Variants in ZFAND3 observed in about 807,000 individuals in gnomAD.
ZFAND3 encodes zinc finger AN1-type containing 3, also known as AN1-type zinc finger protein 3.
In ZFAND3, 10 loss-of-function variants were observed where a neutral mutation model predicts 29.6. The observed-to-expected ratio is 0.34, with a 90% CI of 0.21 to 0.57. ZFAND3 has a LOEUF of 0.57. ZFAND3 is among the 20% of genes least tolerant of loss of function. The pLI, the probability that ZFAND3 is intolerant of heterozygous loss-of-function variation, is 0.86. For missense variants in ZFAND3, 230 were observed against 304.5 expected, an observed-to-expected ratio of 0.76 and a Z score of 1.82; for synonymous variants, 128 against 112.6, an observed-to-expected ratio of 1.14 and a Z score of -0.87.
At chr6:37,837,506 CTT>C (rs34162951) in intron 1 of ZFAND3, among the ~76,000 whole-genome samples, 24 of 139,156 alleles carry the variant, frequency 1.7e-4, no homozygotes, top group Admixed American at 1.4e-4. Context: ...ATAGATAGTC[CTT>C]TTTTTTTTTT....
At chr6:37,895,539 CA>C (rs1187381229) in intron 1 of ZFAND3, among the ~76,000 whole-genome samples, 3 of 112,512 alleles carry the variant, frequency 2.7e-5, no homozygotes, top group Non-Finnish European at 5.2e-5. Flanking sequence ...TGATTTAGTA[CA>C]AAAAACATGA....
chr6:38,077,646 A>G (rs1764580839), intron 3 of ZFAND3, among the ~76,000 whole-genome samples: 2 of 152,212 alleles, frequency 1.3e-5, no homozygotes, highest in Admixed American at 1.3e-4. Flanking sequence ...TTAGCACATG[A>G]TTAACTGCAG....
chr6:37,995,476 G>A (rs140080988), intron 2 of ZFAND3, among the ~76,000 whole-genome samples: 1 of 152,196 alleles, frequency 6.6e-6, no homozygotes, highest in East Asian at 1.9e-4. Context: ...AATAAAACAG[G>A]TATACCCTTT....
intron 5 of ZFAND3, among the ~76,000 whole-genome samples, chr6:38,118,775 A>AC (rs1224448838): frequency 6.6e-6 from 1 of 151,486 alleles, no homozygotes; most frequent in Non-Finnish European, 1.5e-5. Flanking sequence ...AAAAAAAAAA[A>AC]AACAGTAATA....
At chr6:38,149,410 C>CA (rs35426126) in intron 5 of ZFAND3, among the ~76,000 whole-genome samples, 18,516 of 88,080 alleles carry the variant, frequency 0.21, 2,303 homozygotes, top group East Asian at 0.43. Flanking sequence ...GACCCTGTCT[C>CA]AAAAAAAAAA....
chr6:38,073,071 A>G (rs923366461), intron 3 of ZFAND3, among the ~76,000 whole-genome samples: 3 of 152,194 alleles, frequency 2.0e-5, no homozygotes, highest in South Asian at 2.1e-4. Context: ...GTCACTCATC[A>G]TATTCCAGCT....
intron 1 of ZFAND3, among the ~76,000 whole-genome samples, chr6:37,901,634 G>A (rs1377605333): frequency 1.3e-5 from 2 of 152,056 alleles, no homozygotes; most frequent in Non-Finnish European, 1.5e-5. Context: ...AACAAAAAAA[G>A]GATGTGTTTG....
intron 2 of ZFAND3, among the ~76,000 whole-genome samples, chr6:38,024,662 G>C (rs939185328): frequency 1.3e-5 from 2 of 152,092 alleles, no homozygotes; most frequent in African/African-American, 4.8e-5. Context: ...CTACAACATG[G>C]ACAAACCTCA....
chr6:38,143,381 G>C (rs930455594), intron 5 of ZFAND3, among the ~76,000 whole-genome samples: 1 of 152,274 alleles, frequency 6.6e-6, no homozygotes, highest in Non-Finnish European at 1.5e-5. Flanking sequence ...CTCTGAGAGC[G>C]ATGTGACGGC....
At chr6:37,899,279 CCTTG>C (rs1374269117) in intron 1 of ZFAND3, among the ~76,000 whole-genome samples, 4 of 152,166 alleles carry the variant, frequency 2.6e-5, no homozygotes, top group African/African-American at 9.7e-5. Flanking sequence ...ATTTGACTTT[CCTTG>C]CTTAATTCCA....
intron 2 of ZFAND3, among the ~76,000 whole-genome samples, chr6:37,950,387 T>A (rs1761976963): frequency 6.6e-6 from 1 of 151,720 alleles, no homozygotes; most frequent in Middle Eastern, 3.2e-3. Context: ...TTGTTTTTTT[T>A]TTTTTTCTGA....
At chr6:38,057,770 C>CT (rs748035715) in intron 2 of ZFAND3, among the ~76,000 whole-genome samples, 6 of 152,196 alleles carry the variant, frequency 3.9e-5, no homozygotes, top group Non-Finnish European at 7.3e-5. Flanking sequence ...CTTGCATTCT[C>CT]TATCTGTAAA....
chr6:37,841,476 T>A (rs1764073569), intron 1 of ZFAND3, among the ~76,000 whole-genome samples: 1 of 152,044 alleles, frequency 6.6e-6, no homozygotes, highest in African/African-American at 2.4e-5. Flanking sequence ...TGTTTTTAAG[T>A]TTTTGTTTTG....
intron 3 of ZFAND3, among the ~76,000 whole-genome samples, chr6:38,076,048 G>A (rs918699668): frequency 2.6e-5 from 4 of 151,966 alleles, no homozygotes; most frequent in African/African-American, 4.8e-5. Flanking sequence ...CACCGATCCC[G>A]GCCTCGTTTT....
At chr6:37,833,016 C>G in intron 1 of ZFAND3, 1 of 152,112 alleles carries the variant, frequency 6.6e-6, no homozygotes, top group Non-Finnish European at 1.5e-5. Flanking sequence ...CATTTCTAAC[C>G]TGGGCCAGTT....
chr6:38,073,114 A>G (rs1764487444), intron 3 of ZFAND3, among the ~76,000 whole-genome samples: 1 of 152,176 alleles, frequency 6.6e-6, no homozygotes, highest in Admixed American at 6.5e-5. Flanking sequence ...AGGCTCAGCA[A>G]AGAGGCAGAA....
At chr6:37,919,079 G>A (rs943725115) in intron 1 of ZFAND3, among the ~76,000 whole-genome samples, 5 of 149,482 alleles carry the variant, frequency 3.3e-5, no homozygotes, top group Non-Finnish European at 5.9e-5. Context: ...TCAGCCTCCC[G>A]AGTAGCTGGG....
chr6:38,056,325 G>A (rs1323944651), intron 2 of ZFAND3, among the ~76,000 whole-genome samples: 1 of 152,008 alleles, frequency 6.6e-6, no homozygotes, highest in African/African-American at 2.4e-5. Context: ...TATGGAACAG[G>A]GTTAAAAAGA....
intron 1 of ZFAND3, among the ~76,000 whole-genome samples, chr6:37,872,782 G>A (rs1764717360): frequency 6.6e-6 from 1 of 152,186 alleles, no homozygotes; most frequent in African/African-American, 2.4e-5. Context: ...TACTGTTGAT[G>A]GGCATTTGGA....
Sources: gnomAD v4.1 joint callset for allele counts (sites outside exome capture counted in the v4.1 genomes callset) on GRCh38, gnomAD v4.1.1 for gene constraint, MANE v1.5 for transcripts, NCBI Gene and HGNC (gene_info 2026-07-23, HGNC 2026-07-21) for gene names.